RBFOX1: variants seen among roughly 807,000 people sequenced by gnomAD.
RBFOX1 encodes the protein RNA binding protein fox-1 homolog 1.
A neutral mutation model predicts 57.7 loss-of-function variants in RBFOX1; 8 were observed. That is an observed-to-expected ratio of 0.14 (90% confidence interval 0.08 to 0.25). RBFOX1 has a LOEUF of 0.25. Ranked by LOEUF, RBFOX1 falls within the 10% of genes least tolerant of loss-of-function variation. RBFOX1 has a pLI of 1.00. For missense variants in RBFOX1, 611 were observed against 548.5 expected, an observed-to-expected ratio of 1.11 and a Z score of -1.14; for synonymous variants, 326 against 222.4, an observed-to-expected ratio of 1.47 and a Z score of -4.15.
At chr16:5,391,522 G>C in intron 1 of RBFOX1, among the ~76,000 whole-genome samples, 1 of 152,034 alleles carries the variant, frequency 6.6e-6, no homozygotes, top group Non-Finnish European at 1.5e-5. Context: ...CCATTTTAAG[G>C]TCAGCAGCCT....
chr16:5,772,287 T>C (rs1164580116), intron 3 of RBFOX1, among the ~76,000 whole-genome samples: 1 of 152,204 alleles, frequency 6.6e-6, no homozygotes. Flanking sequence ...ACAGCCAGAC[T>C]TACTGGCAGG....
At chr16:7,075,511 A>G (rs1472888012) in intron 4 of RBFOX1, among the ~76,000 whole-genome samples, 3 of 152,358 alleles carry the variant, frequency 2.0e-5, no homozygotes, top group South Asian at 2.1e-4. Flanking sequence ...CTTTAAAACA[A>G]TAAGTATTAA....
intron 1 of RBFOX1, among the ~76,000 whole-genome samples, chr16:6,281,700 A>G (rs1326453539): frequency 3.3e-5 from 5 of 152,234 alleles, no homozygotes; most frequent in Admixed American, 6.5e-5. Flanking sequence ...AACACTATTC[A>G]TAACATTAAC....
intron 1 of RBFOX1, among the ~76,000 whole-genome samples, chr16:6,139,361 C>A (rs2096694816): frequency 6.6e-6 from 1 of 152,186 alleles, no homozygotes; most frequent in Admixed American, 6.5e-5. Flanking sequence ...AACTCTGCTG[C>A]TTTCTGGCTG....
chr16:7,380,568 T>C (rs1201239068), intron 4 of RBFOX1, among the ~76,000 whole-genome samples: 2 of 152,192 alleles, frequency 1.3e-5, no homozygotes, highest in Non-Finnish European at 2.9e-5. Flanking sequence ...CATTTGTATT[T>C]AAAAAACAAA....
chr16:6,640,374 C>G (rs2098477119), intron 2 of RBFOX1, among the ~76,000 whole-genome samples: 1 of 151,988 alleles, frequency 6.6e-6, no homozygotes, highest in Non-Finnish European at 1.5e-5. Context: ...TTGGGGAGGC[C>G]GAGGTGGGCG....
intron 4 of RBFOX1, among the ~76,000 whole-genome samples, chr16:7,450,413 A>AAAG (rs2098842743): frequency 1.3e-5 from 2 of 151,160 alleles, no homozygotes; most frequent in Non-Finnish European, 2.9e-5. Context: ...AAAAAAAAAA[A>AAAG]AGGAGAAACT....
intron 3 of RBFOX1, among the ~76,000 whole-genome samples, chr16:6,780,564 A>T (rs1372237796): frequency 9.0e-6 from 1 of 111,080 alleles, no homozygotes; most frequent in African/African-American, 4.5e-5. Flanking sequence ...TTACATATTT[A>T]TATATATTTA....
chr16:6,884,622 G>A (rs1479160811), intron 3 of RBFOX1, among the ~76,000 whole-genome samples: 1 of 152,194 alleles, frequency 6.6e-6, no homozygotes. Context: ...AAATTGGCCA[G>A]GTGTGGTGGC....
intron 1 of RBFOX1, among the ~76,000 whole-genome samples, chr16:5,287,803 C>G (rs575672026): frequency 2.0e-5 from 3 of 152,230 alleles, no homozygotes; most frequent in African/African-American, 7.2e-5. Flanking sequence ...GGACTAAACC[C>G]AATATTAGGG....
intron 4 of RBFOX1, among the ~76,000 whole-genome samples, chr16:7,084,302 T>C (rs1233051491): frequency 6.6e-6 from 1 of 151,904 alleles, no homozygotes; most frequent in African/African-American, 2.4e-5. Context: ...AATACATATA[T>C]ACACACACAC....
chr16:5,720,651 G>A (rs899675976), intron 3 of RBFOX1, among the ~76,000 whole-genome samples: 1 of 152,100 alleles, frequency 6.6e-6, no homozygotes, highest in Non-Finnish European at 1.5e-5. Flanking sequence ...CTTGTGTGCA[G>A]TTATCCAGTT....
At chr16:7,416,087 C>T (rs1223173835) in intron 4 of RBFOX1, among the ~76,000 whole-genome samples, 2 of 152,102 alleles carry the variant, frequency 1.3e-5, no homozygotes, top group African/African-American at 4.8e-5. Context: ...ATTAAACCTC[C>T]AGCCCCCCAA....
At chr16:6,742,533 A>C (rs1244833103) in intron 3 of RBFOX1, among the ~76,000 whole-genome samples, 1 of 152,208 alleles carries the variant, frequency 6.6e-6, no homozygotes, top group Non-Finnish European at 1.5e-5. Context: ...AAAGCTATAC[A>C]CAATTATTGT....
chr16:7,653,825 C>T lies in RBFOX1; in HGVS notation c.768C>T (p.Phe256=). The T allele has an allele frequency of 3.7e-6, 6 of 1,608,262 alleles. No homozygotes were observed. Among genetic ancestry groups the T allele is most frequent in the Non-Finnish European group, 5.1e-6 (6 of 1,179,602 alleles). The change falls in exon 12 of 16, where the codon TTC becomes TTT. Residue 256 remains phenylalanine (F), a synonymous_variant. Coordinates refer to ENST00000550418, the MANE Select transcript of RBFOX1 (RefSeq NM_018723.4). ...CCTCTTGCCCCGCAGTGCCAGGCTT[C>T]CCGTATCCAGCAGCCACCGCCGCGG... ...SLVYTSAMPG[F]PYPAATAAAA...
intron 3 of RBFOX1, among the ~76,000 whole-genome samples, chr16:5,850,629 A>G (rs1321593786): frequency 6.6e-6 from 1 of 152,192 alleles, no homozygotes; most frequent in South Asian, 2.1e-4. Context: ...GTGCATGATC[A>G]CATTTACTCC....
intron 2 of RBFOX1, among the ~76,000 whole-genome samples, chr16:5,548,172 AAAATATATATATATATAT>A (rs1405354481): frequency 7.1e-5 from 2 of 28,284 alleles, no homozygotes; most frequent in Non-Finnish European, 8.3e-5. Flanking sequence ...AAAAAAAAAA[AAAATATATATATATATAT>A]ATATATATAT....
At chr16:5,297,522 G>A (rs2063698421) in intron 1 of RBFOX1, among the ~76,000 whole-genome samples, 1 of 152,016 alleles carries the variant, frequency 6.6e-6, no homozygotes, top group Non-Finnish European at 1.5e-5. Context: ...ATATACCGGT[G>A]GGTCATTTGT....
intron 1 of RBFOX1, among the ~76,000 whole-genome samples, chr16:6,277,665 C>CA (rs60150908): frequency 0.019 from 2,246 of 119,020 alleles, 34 homozygotes; most frequent in South Asian, 0.045. Context: ...GACCTTGTCT[C>CA]AAAAAAAAAA....
Sources: gnomAD v4.1 joint callset for allele counts (sites outside exome capture counted in the v4.1 genomes callset) on GRCh38, gnomAD v4.1.1 for gene constraint, MANE v1.5 for transcripts, NCBI Gene and HGNC (gene_info 2026-07-23, HGNC 2026-07-21) for gene names.